ELOVL6: variants seen among roughly 807,000 people sequenced by gnomAD.
The protein encoded by ELOVL6 is very long chain fatty acid elongase 6.
Under a neutral mutation model 31.7 loss-of-function variants are expected in ELOVL6, and 8 were observed. That is an observed-to-expected ratio of 0.25 (90% CI 0.15 to 0.45). ELOVL6 has a LOEUF of 0.45. Among genes scored for constraint, ELOVL6 ranks in the 20% least tolerant of loss-of-function variants. The probability of loss-of-function intolerance (pLI) is 1.00; values close to 1 mark genes in which losing one functional copy is unlikely to be tolerated. For synonymous variants in ELOVL6, 101 were observed against 117.7 expected, an observed-to-expected ratio of 0.86 and a Z score of 0.92; for missense variants, 126 against 326.4, an observed-to-expected ratio of 0.39 and a Z score of 4.73.
At position 110,049,205 on chromosome 4, in the gene ELOVL6, T is replaced by C. The variant is rs1030100082; in HGVS notation, c.*2133A>G. The C allele has an allele frequency of 2.0e-5, 3 of 152,226 alleles. No individual in the cohort carries two copies. Among genetic ancestry groups the C allele is most frequent in the Admixed American group, 6.5e-5 (1 of 15,282 alleles). The allele number at this position is 152,226 out of a possible 1,614,324, so 9.4% of individuals were successfully genotyped here. A position where few individuals can be genotyped will look rare whatever the true frequency, so the allele number is the denominator to read the frequency against. The stretch of plus-strand genomic sequence containing the variant: ...CTCATGTCAGATTTTGCATAATTTA[T>C]AATACATTCCTCCATCAGTTGTGTC... On this transcript the variant is annotated 3_prime_UTR_variant, in exon 4 of 4. Coordinates refer to ENST00000302274, the MANE Select transcript of ELOVL6 (RefSeq NM_024090.3).
chr4:110,124,673 A>G (rs533151135), intron 1 of ELOVL6, among the ~76,000 whole-genome samples: 2 of 152,242 alleles, frequency 1.3e-5, no homozygotes, highest in South Asian at 4.2e-4. Flanking sequence ...TACCTATGTA[A>G]CAAACCTGTA....
chr4:110,084,131 GATA>G (rs72115032), intron 2 of ELOVL6, among the ~76,000 whole-genome samples: 401 of 25,228 alleles, frequency 0.016, 41 homozygotes, highest in African/African-American at 0.11. Flanking sequence ...ACATATATGT[GATA>G]ATGATATATA....
intron 1 of ELOVL6, among the ~76,000 whole-genome samples, chr4:110,182,595 T>C (rs1008213576): frequency 6.6e-6 from 1 of 152,028 alleles, no homozygotes; most frequent in African/African-American, 2.4e-5. Flanking sequence ...CAGAATATAA[T>C]ATGAACAGAT....
chr4:110,112,065 T>C (rs1442218214), intron 1 of ELOVL6, among the ~76,000 whole-genome samples: 1 of 152,208 alleles, frequency 6.6e-6, no homozygotes, highest in Non-Finnish European at 1.5e-5. Flanking sequence ...GGGTGAGAGA[T>C]GGGGAAGTAA....
At chr4:110,175,873 T>C (rs1344119638) in intron 1 of ELOVL6, among the ~76,000 whole-genome samples, 2 of 152,192 alleles carry the variant, frequency 1.3e-5, no homozygotes, top group Non-Finnish European at 2.9e-5. Flanking sequence ...CCAGTATCAA[T>C]GGTCACAGAG....
chr4:110,197,574 C>G (rs1287448417), intron 1 of ELOVL6, among the ~76,000 whole-genome samples: 1 of 152,184 alleles, frequency 6.6e-6, no homozygotes, highest in East Asian at 1.9e-4. Context: ...CGCTCGGGTT[C>G]ATTCATTTAT....
chr4:110,155,514 CA>C (rs1191649286), intron 1 of ELOVL6, among the ~76,000 whole-genome samples: 3 of 152,090 alleles, frequency 2.0e-5, no homozygotes, highest in Non-Finnish European at 2.9e-5. Flanking sequence ...CAAAGTTTAA[CA>C]ATTTGTATCA....
At chr4:110,166,341 G>A (rs1395685076) in intron 1 of ELOVL6, among the ~76,000 whole-genome samples, 3 of 152,070 alleles carry the variant, frequency 2.0e-5, no homozygotes, top group African/African-American at 4.8e-5. Context: ...AGCCAGGCGC[G>A]GTGGCTCACG....
intron 2 of ELOVL6, among the ~76,000 whole-genome samples, chr4:110,090,600 C>CTT (rs544234717): frequency 1.4e-4 from 15 of 103,720 alleles, no homozygotes; most frequent in South Asian, 3.3e-4. Context: ...GTTTGACTTT[C>CTT]TTTTTTTTTT....
At chr4:110,117,909 T>A (rs1362307776) in intron 1 of ELOVL6, 458 of 18,132 alleles carry the variant, frequency 0.025, 38 homozygotes, top group African/African-American at 0.092. Flanking sequence ...AAAAAATATA[T>A]ATATATATAT....
chr4:110,104,383 A>G (rs1038088066), intron 2 of ELOVL6, among the ~76,000 whole-genome samples: 1 of 152,174 alleles, frequency 6.6e-6, no homozygotes, highest in African/African-American at 2.4e-5. Context: ...AGGGCTTTAG[A>G]AATTGCACTG....
rs1754794308 is a variant in ELOVL6, at chr4:110,049,909, G to T, written c.*1429C>A. ...CAGCTTTTTTTTTTTAAAGAATATG[G>T]CTCTTAATAAATTGATTTTGAGTTC... On this transcript the variant is annotated 3_prime_UTR_variant, in exon 4 of 4. Coordinates refer to ENST00000302274, the MANE Select transcript of ELOVL6 (RefSeq NM_024090.3). The T allele has an allele frequency of 1.3e-5, 2 of 151,356 alleles. No homozygotes were observed. Among genetic ancestry groups the T allele is most frequent in the African/African-American group, 4.9e-5 (2 of 40,936 alleles). 9.4% of individuals were successfully genotyped at this position (151,356 alleles called of 1,614,324 possible). A position where few individuals can be genotyped will look rare whatever the true frequency, so the allele number is the denominator to read the frequency against.
intron 1 of ELOVL6, among the ~76,000 whole-genome samples, chr4:110,190,725 G>A (rs1289662163): frequency 2.0e-5 from 3 of 151,928 alleles, no homozygotes; most frequent in Admixed American, 1.3e-4. Flanking sequence ...GGCTGGTCTC[G>A]AACTCCTGAC....
chr4:110,169,257 G>C (rs1477728050), intron 1 of ELOVL6, among the ~76,000 whole-genome samples: 2 of 63,952 alleles, frequency 3.1e-5, no homozygotes, highest in African/African-American at 9.1e-5. Flanking sequence ...TTTTTTTTTT[G>C]AGACGGAGTC....
At chr4:110,198,086 C>A (rs1020235873) in intron 1 of ELOVL6, 161 bp downstream of exon 1, 27 of 366,584 alleles carry the variant, frequency 7.4e-5, no homozygotes, top group Non-Finnish European at 8.8e-5. Flanking sequence ...CCCCCCCCCC[C>A]CAGCGTCTCC....
rs1560815379 is a variant in ELOVL6, at chr4:110,084,432, T to TATATCA, written c.221+21064_221+21065insTGATAT. Among the ~76,000 whole-genome samples, 139 of 120,278 alleles carry TATATCA rather than the reference T, an allele frequency of 1.2e-3. 21 individuals carry two copies. Among genetic ancestry groups the TATATCA allele is most frequent in the African/African-American group, 4.5e-3 (132 of 29,152 alleles). 78.9% of individuals were successfully genotyped at this position (120,278 alleles called of 152,430 possible). A position where few individuals can be genotyped will look rare whatever the true frequency, so the allele number is the denominator to read the frequency against. On this transcript the variant is annotated intron_variant, in intron 2 of 3. Coordinates refer to ENST00000302274, the MANE Select transcript of ELOVL6 (RefSeq NM_024090.3). ...TGACATACATGATATATCACATATA[T>TATATCA]CATATATGATATATCGCATATATCA...
Position 110,158,598 on chromosome 4 carries a change from C to CT in ELOVL6, c.89+39648_89+39649insA, listed in dbSNP as rs1560849636. The stretch of plus-strand genomic sequence containing the variant: ...CTATATATATATGTATATATATACA[C>CT]ACACACACATATATATACACACACA... On this transcript the variant is annotated intron_variant, in intron 1 of 3. Coordinates refer to ENST00000302274, the MANE Select transcript of ELOVL6 (RefSeq NM_024090.3). Among the ~76,000 whole-genome samples, 23 of 131,758 alleles carry CT rather than the reference C, an allele frequency of 1.7e-4. No homozygotes were observed. The East Asian group carries it at 2.7e-3, about 16-fold the overall frequency. 86.4% of individuals were successfully genotyped at this position (131,758 alleles called of 152,430 possible).
chr4:110,115,257 T>C (rs1757140639), intron 1 of ELOVL6, among the ~76,000 whole-genome samples: 1 of 152,174 alleles, frequency 6.6e-6, no homozygotes, highest in South Asian at 2.1e-4. Flanking sequence ...GATGATCTCA[T>C]GGTTAGTTTA....
intron 1 of ELOVL6, among the ~76,000 whole-genome samples, chr4:110,112,067 G>C (rs1757049087): frequency 6.6e-6 from 1 of 152,216 alleles, no homozygotes; most frequent in African/African-American, 2.4e-5. Flanking sequence ...GTGAGAGATG[G>C]GGAAGTAATA....
Sources: gnomAD v4.1 joint callset for allele counts (sites outside exome capture counted in the v4.1 genomes callset) on GRCh38, gnomAD v4.1.1 for gene constraint, MANE v1.5 for transcripts, NCBI Gene and HGNC (gene_info 2026-07-23, HGNC 2026-07-21) for gene names.